RIMS1: variants seen among roughly 807,000 people sequenced by gnomAD.
RIMS1 encodes the protein regulating synaptic membrane exocytosis 1.
RIMS1 carries 83 observed loss-of-function variants against 214.1 expected under a neutral mutation model. That is an observed-to-expected ratio of 0.39 (90% CI 0.32 to 0.47). RIMS1 has a LOEUF of 0.47. Ranked by LOEUF, RIMS1 falls within the 20% of genes least tolerant of loss-of-function variation. RIMS1 has a pLI of 0.99. For synonymous variants in RIMS1, 793 were observed against 786.8 expected, an observed-to-expected ratio of 1.01 and a Z score of -0.13; for missense variants, 2,050 against 2,161.8, an observed-to-expected ratio of 0.95 and a Z score of 1.03.
intron 1 of RIMS1, among the ~76,000 whole-genome samples, chr6:71,958,875 C>G (rs1792087470): frequency 6.6e-6 from 1 of 152,066 alleles, no homozygotes; most frequent in Non-Finnish European, 1.5e-5. Context: ...CCATTTTTCC[C>G]TAAATGTTTG....
chr6:72,260,367 T>C (rs1439508585), intron 18 of RIMS1, among the ~76,000 whole-genome samples: 1 of 152,116 alleles, frequency 6.6e-6, no homozygotes, highest in Non-Finnish European at 1.5e-5. Flanking sequence ...AGGCCAAATT[T>C]ATAGTATTAA....
chr6:72,273,968 A>G (rs2084790724), intron 22 of RIMS1, among the ~76,000 whole-genome samples: 1 of 152,172 alleles, frequency 6.6e-6, no homozygotes, highest in Non-Finnish European at 1.5e-5. Context: ...TATTAAACCT[A>G]TTTATTCAAA....
intron 2 of RIMS1, among the ~76,000 whole-genome samples, chr6:71,969,374 G>T (rs1795249353): frequency 6.6e-6 from 1 of 152,148 alleles, no homozygotes. Flanking sequence ...GTATGAGCTG[G>T]AATATAACAC....
chr6:72,364,411 C>T (rs2097920062), intron 29 of RIMS1, among the ~76,000 whole-genome samples: 2 of 152,176 alleles, frequency 1.3e-5, no homozygotes, highest in Non-Finnish European at 2.9e-5. Flanking sequence ...ACTCTATGTG[C>T]AGTCCCCGCA....
Position 72,333,718 on chromosome 6 carries a change from G to A in RIMS1, c.4249G>A (p.Asp1417Asn). The change falls in exon 29 of 34, where the codon GAC (aspartate) becomes AAC (asparagine). Residue 1417 changes from aspartate to asparagine, a missense_variant. Asp to Asn is a conservative substitution (Grantham distance 23). Around this residue, in one of 6 missense-constraint regions of RIMS1, gnomAD observed 889 missense variants for 885.5 expected, o/e 1.00. Transcript: ENST00000521978. ...TLEHNDGSQSDTAVGTVGAGG... is the reference protein window; with the variant it reads ...TLEHNDGSQSNTAVGTVGAGG... ...GGAGCATAATGACGGCAGCCAGTCA[G>A]ACACAGCTGTGGGTACAGTTGGAGC... The A allele has an allele frequency of 6.3e-7, 1 of 1,597,930 alleles. No individual in the cohort carries two copies. The highest frequency in any genetic ancestry group is 8.5e-7 in the Non-Finnish European group (1 of 1,172,154).
At chr6:71,891,087 T>C (rs1308875939) in intron 1 of RIMS1, among the ~76,000 whole-genome samples, 5 of 152,202 alleles carry the variant, frequency 3.3e-5, no homozygotes, top group African/African-American at 7.2e-5. Flanking sequence ...GGCAAAAAAT[T>C]AGGCTGATTC....
intron 2 of RIMS1, among the ~76,000 whole-genome samples, chr6:72,042,244 C>T (rs1821653920): frequency 6.6e-6 from 1 of 151,824 alleles, no homozygotes; most frequent in Non-Finnish European, 1.5e-5. Flanking sequence ...GCTGCACACT[C>T]ACTACAGTTG....
intron 29 of RIMS1, among the ~76,000 whole-genome samples, chr6:72,388,123 C>T (rs2098643771): frequency 6.6e-6 from 1 of 152,174 alleles, no homozygotes. Context: ...AATTGGAAAA[C>T]AGACCACAAA....
At chr6:72,184,961 A>G (rs1290761446) in intron 6 of RIMS1, among the ~76,000 whole-genome samples, 1 of 152,228 alleles carries the variant, frequency 6.6e-6, no homozygotes, top group Non-Finnish European at 1.5e-5. Context: ...TGGTTGTACA[A>G]GAAGGCCTAG....
rs151337041 is a variant in RIMS1, at chr6:72,011,834, G to A, written c.245+42771G>A. Among the ~76,000 whole-genome samples the A allele has an allele frequency of 8.9e-3, 1,355 of 152,262 alleles. 29 individuals carry two copies. Among genetic ancestry groups the A allele is most frequent in the African/African-American group, 0.031 (1,280 of 41,530 alleles). On this transcript the variant is annotated intron_variant, in intron 2 of 33. Coordinates refer to ENST00000521978, the MANE Select transcript of RIMS1 (RefSeq NM_014989.7). Reference sequence around the variant, plus strand: ...TCATTAAAAAGTCAGGAAACAACAGGTGCTGGAGAAGATCTGGAGAAATAG... The same window carrying A: ...TCATTAAAAAGTCAGGAAACAACAGATGCTGGAGAAGATCTGGAGAAATAG...
rs1018755814 is a variant in RIMS1, at chr6:72,345,470, T to C, written c.4366+11635T>C. On this transcript the variant is annotated intron_variant, in intron 29 of 33. Coordinates refer to ENST00000521978, the MANE Select transcript of RIMS1 (RefSeq NM_014989.7). ...ACAAAAAACAGCCATGAAATACTCT[T>C]ATTATTTGCATTTTACAGGTTCCAT... 2.0e-5 allele frequency among the ~76,000 whole-genome samples: 3 copies of C among 151,786 alleles called. No individual in the cohort carries two copies. The South Asian group carries it at 6.2e-4, about 31-fold the overall frequency.
At chr6:72,304,111 A>C (rs1449700885) in intron 26 of RIMS1, among the ~76,000 whole-genome samples, 1 of 151,696 alleles carries the variant, frequency 6.6e-6, no homozygotes, top group Non-Finnish European at 1.5e-5. Flanking sequence ...ATTTTTAAAA[A>C]TAAAAACCAC....
chr6:72,292,826 G>A (rs1279985302), intron 26 of RIMS1, among the ~76,000 whole-genome samples: 1 of 151,974 alleles, frequency 6.6e-6, no homozygotes, highest in Non-Finnish European at 1.5e-5. Flanking sequence ...TCTACTTTGG[G>A]ATTGTAATAT....
At chr6:72,316,594 C>T in intron 28 of RIMS1, 1 of 426,052 alleles carries the variant, frequency 2.3e-6, no homozygotes, top group South Asian at 2.0e-5. Flanking sequence ...GCCTTAGGAG[C>T]CTCACAGGCT....
At chr6:72,316,957 G>A (rs2154302356) in intron 28 of RIMS1, 1 of 642,382 alleles carries the variant, frequency 1.6e-6, no homozygotes, top group African/African-American at 1.8e-5. Flanking sequence ...CCAGGCCCTA[G>A]GCTCTGTGGA....
chr6:72,121,984 T>A (rs1203900453), intron 4 of RIMS1, among the ~76,000 whole-genome samples: 2 of 151,908 alleles, frequency 1.3e-5, no homozygotes, highest in Non-Finnish European at 2.9e-5. Context: ...GAACCAGCCT[T>A]GCATCCCAGG....
intron 6 of RIMS1, among the ~76,000 whole-genome samples, chr6:72,211,491 T>C (rs1302025721): frequency 6.6e-6 from 1 of 152,192 alleles, no homozygotes. Context: ...GTGAGTCAGC[T>C]GTAGATTAGT....
At chr6:71,896,632 A>G (rs754834757) in intron 1 of RIMS1, among the ~76,000 whole-genome samples, 2 of 152,276 alleles carry the variant, frequency 1.3e-5, no homozygotes, top group Non-Finnish European at 2.9e-5. Flanking sequence ...AAAAAATATG[A>G]CATACGCACT....
intron 29 of RIMS1, among the ~76,000 whole-genome samples, chr6:72,353,091 A>G (rs1241030921): frequency 2.0e-5 from 3 of 148,192 alleles, no homozygotes; most frequent in African/African-American, 7.5e-5. Flanking sequence ...CCCGGGTTCA[A>G]GTGATTCTCC....
Sources: allele counts gnomAD v4.1 joint callset (sites outside exome capture counted in the v4.1 genomes callset), GRCh38; gene constraint gnomAD v4.1.1; regional missense constraint gnomAD v4.1.1; transcripts MANE v1.5; gene names NCBI Gene and HGNC (gene_info 2026-07-23, HGNC 2026-07-21).